The following TRERF1 variants were observed in gnomAD, a reference collection of about 807,000 sequenced individuals.
The protein encoded by TRERF1 is transcriptional regulating factor 1, also known as transcriptional-regulating factor 1.
Under a neutral mutation model 122.9 loss-of-function variants are expected in TRERF1, and 27 were observed. The ratio of observed to expected loss-of-function variants is 0.22; its 90% CI spans 0.16 to 0.30. TRERF1 has a LOEUF of 0.30. TRERF1 is among the 10% of genes least tolerant of loss of function. TRERF1 has a pLI of 1.00. For synonymous variants in TRERF1, 636 were observed against 641.7 expected, an observed-to-expected ratio of 0.99 and a Z score of 0.13; for missense variants, 1,248 against 1,560.3, an observed-to-expected ratio of 0.80 and a Z score of 3.37.
At chr6:42,401,996 A>G (rs889306575) in intron 2 of TRERF1, among the ~76,000 whole-genome samples, 1 of 152,226 alleles carries the variant, frequency 6.6e-6, no homozygotes. Flanking sequence ...CTTTTATTAA[A>G]AATTAATATT....
intron 2 of TRERF1, among the ~76,000 whole-genome samples, chr6:42,417,328 G>GCTGAAGCCAGCAGCCC (rs2307594): frequency 0.96 from 145,082 of 151,912 alleles, 69,553 homozygotes; most frequent in Non-Finnish European, 1. Context: ...CTACCCCACG[G>GCTGAAGCCAGCAGCCC]ACCCCACTCC....
intron 3 of TRERF1, among the ~76,000 whole-genome samples, chr6:42,336,709 A>G (rs1766251123): frequency 6.6e-6 from 1 of 152,200 alleles, no homozygotes; most frequent in Non-Finnish European, 1.5e-5. Context: ...AAGTAAGGAA[A>G]CGGTGGCTCA....
intron 3 of TRERF1, among the ~76,000 whole-genome samples, chr6:42,307,511 T>C (rs2150318468): frequency 6.6e-6 from 1 of 152,228 alleles, no homozygotes; most frequent in East Asian, 1.9e-4. Context: ...CTATTTCATA[T>C]TGGAACGGGC....
At chr6:42,262,468 A>G (rs866191148) in intron 8 of TRERF1, among the ~76,000 whole-genome samples, 213 of 2,828 alleles carry the variant, frequency 0.075, 1 homozygote, top group East Asian at 0.18. Flanking sequence ...GAGAGAGAGG[A>G]GAGAGAGAGA....
chr6:42,292,190 T>C (rs1784424461), intron 4 of TRERF1, among the ~76,000 whole-genome samples: 1 of 152,134 alleles, frequency 6.6e-6, no homozygotes, highest in Non-Finnish European at 1.5e-5. Context: ...TGTTTTGACG[T>C]GGGTTACAGT....
chr6:42,406,097 G>T (rs1250455576), intron 2 of TRERF1, among the ~76,000 whole-genome samples: 1 of 152,206 alleles, frequency 6.6e-6, no homozygotes, highest in Non-Finnish European at 1.5e-5. Flanking sequence ...TCCCTAGGAG[G>T]TAAGTTAGTC....
In TRERF1 at chr6:42,263,619, G is replaced by A. The variant is rs751822901; in HGVS notation, c.1636-51C>T. 1 of 1,438,164 alleles carries A rather than the reference G, an allele frequency of 7.0e-7. No homozygotes were observed. The highest frequency in any genetic ancestry group is 2.5e-5 in the East Asian group (1 of 39,898). 89.1% of individuals were successfully genotyped at this position (1,438,164 alleles called of 1,614,324 possible). A position where few individuals can be genotyped will look rare whatever the true frequency, so the allele number is the denominator to read the frequency against. On this transcript the variant is annotated intron_variant, in intron 7 of 17. Transcript: ENST00000372922. The surrounding 1 kb of genome is among the most constrained non-coding windows in gnomAD (Gnocchi z 5.6). The stretch of plus-strand genomic sequence containing the variant: ...CCTGGGCTGAGAGCAGCTCTCACAA[G>A]GGGGATGCACTTTGCTTTTCCCGAA...
At chr6:42,434,432 G>T (rs1357428812) in intron 2 of TRERF1, among the ~76,000 whole-genome samples, 3 of 150,460 alleles carry the variant, frequency 2.0e-5, no homozygotes, top group African/African-American at 7.3e-5. Context: ...ACTTTCAGAA[G>T]AACCACAATA....
chr6:42,338,145 G>A (rs1395030072), intron 3 of TRERF1, among the ~76,000 whole-genome samples: 2 of 152,202 alleles, frequency 1.3e-5, no homozygotes, highest in African/African-American at 2.4e-5. Context: ...TCACTGCTGT[G>A]AGGAAGTGGC....
chr6:42,313,283 C>CT (rs1761970564), intron 3 of TRERF1, among the ~76,000 whole-genome samples: 1 of 152,112 alleles, frequency 6.6e-6, no homozygotes, highest in Non-Finnish European at 1.5e-5. Flanking sequence ...AAAAATAACT[C>CT]TAAGTATGAA....
Position 42,268,650 on chromosome 6 carries a change from A to G in TRERF1, c.941T>C (p.Leu314Pro). The G allele has an allele frequency of 1.2e-6, 2 of 1,614,104 alleles. No homozygotes were observed. The highest frequency in any genetic ancestry group is 1.7e-6 in the Non-Finnish European group (2 of 1,179,990). Reference sequence around the variant, plus strand: ...CTGCATTGAACCCTGCCGCTGCTGCAGCTGTAGCTGCTGCGGCTGCTGCTG... The same window carrying G: ...CTGCATTGAACCCTGCCGCTGCTGCGGCTGTAGCTGCTGCGGCTGCTGCTG... Residue 314 changes from leucine (L) to proline (P), a missense_variant, in exon 5 of 18, where the codon CTG becomes CCG. Coordinates refer to ENST00000372922, the Ensembl canonical transcript of TRERF1. This position sits in a 1 kb window ranked among gnomAD's most constrained non-coding sequence, Gnocchi z 4.4.
Position 42,263,621 on chromosome 6 carries a change from G to C in TRERF1, c.1636-53C>G. ...TGGGCTGAGAGCAGCTCTCACAAGG[G>C]GGATGCACTTTGCTTTTCCCGAAAG... On this transcript the variant is annotated intron_variant, in intron 7 of 17. Coordinates refer to ENST00000372922, the Ensembl canonical transcript of TRERF1. The surrounding 1 kb of genome is among the most constrained non-coding windows in gnomAD (Gnocchi z 5.6). The C allele has an allele frequency of 7.0e-7, 1 of 1,423,846 alleles. No homozygotes were observed. The highest frequency in any genetic ancestry group is 2.6e-5 in the Admixed American group (1 of 37,912). The allele number at this position is 1,423,846 out of a possible 1,614,324, so 88.2% of individuals were successfully genotyped here. A position where few individuals can be genotyped will look rare whatever the true frequency, so the allele number is the denominator to read the frequency against.
chr6:42,253,375 C>T (rs1776177750), intron 13 of TRERF1, among the ~76,000 whole-genome samples: 2 of 152,268 alleles, frequency 1.3e-5, no homozygotes, highest in South Asian at 4.1e-4. Flanking sequence ...CCCACTGTCC[C>T]ACCATCATGC....
intron 13 of TRERF1, among the ~76,000 whole-genome samples, chr6:42,248,144 G>A (rs1301843503): frequency 1.3e-5 from 2 of 152,084 alleles, no homozygotes; most frequent in Admixed American, 6.5e-5. Context: ...GACCACAGGT[G>A]GGGAGCCTAG....
chr6:42,261,136 G>A (rs1427533720), intron 8 of TRERF1, among the ~76,000 whole-genome samples: 1 of 152,182 alleles, frequency 6.6e-6, no homozygotes, highest in South Asian at 2.1e-4. Context: ...AGGCTGAGGC[G>A]AGAGAGGGGC....
intron 4 of TRERF1, among the ~76,000 whole-genome samples, chr6:42,271,265 G>A (rs982132749): frequency 6.6e-6 from 1 of 151,652 alleles, no homozygotes; most frequent in African/African-American, 2.4e-5. Flanking sequence ...TGGCAGAGGT[G>A]CAAGCTGTCC....
chr6:42,396,535 A>G (rs2151300505), intron 2 of TRERF1, among the ~76,000 whole-genome samples: 1 of 152,382 alleles, frequency 6.6e-6, no homozygotes, highest in South Asian at 2.1e-4. Context: ...GTACTTTTAC[A>G]GTAAAATACT....
intron 2 of TRERF1, among the ~76,000 whole-genome samples, chr6:42,437,209 C>G (rs529452957): frequency 7.6e-4 from 116 of 152,198 alleles, no homozygotes; most frequent in African/African-American, 2.5e-3. Context: ...GGAGGTCCTC[C>G]CACTTGCAGC....
chr6:42,262,748 G>T (rs1328256004), intron 8 of TRERF1, among the ~76,000 whole-genome samples: 1 of 152,130 alleles, frequency 6.6e-6, no homozygotes, highest in African/African-American at 2.4e-5. Context: ...AACTACTTTG[G>T]GAACTTTAAC....
Sources: gnomAD v4.1 joint callset for allele counts (sites outside exome capture counted in the v4.1 genomes callset) on GRCh38, gnomAD v4.1.1 for gene constraint, Gnocchi (gnomAD v3.1) non-coding constraint, MANE v1.5 for transcripts, NCBI Gene and HGNC (gene_info 2026-07-23, HGNC 2026-07-21) for gene names.